FMN2: variants seen among roughly 807,000 people sequenced by gnomAD.
FMN2 encodes the protein formin-2.
FMN2 carries 51 observed loss-of-function variants against 142.3 expected under a neutral mutation model. The ratio of observed to expected loss-of-function variants is 0.36; its 90% CI spans 0.29 to 0.45. The LOEUF is 0.45. Among genes scored for constraint, FMN2 ranks in the 20% least tolerant of loss-of-function variants. The pLI is 1.00. For missense variants in FMN2, 1,936 were observed against 2,122.8 expected (o/e 0.91, Z 1.73); for synonymous variants, 882 against 869.8 (o/e 1.01, Z -0.25).
At chr1:240,171,354 A>G in intron 2 of FMN2, 1 of 607,832 alleles carries the variant, frequency 1.6e-6, no homozygotes, top group East Asian at 2.7e-5. Context: ...CCTAACAGGC[A>G]GAGAGAAGCG....
intron 1 of FMN2, among the ~76,000 whole-genome samples, chr1:240,110,708 C>A (rs1049820605): frequency 4.6e-5 from 7 of 151,902 alleles, no homozygotes; most frequent in African/African-American, 1.7e-4. Flanking sequence ...ATTAGTACAG[C>A]AATAATTGGA....
intron 2 of FMN2, among the ~76,000 whole-genome samples, chr1:240,137,031 C>T (rs2103244908): frequency 7.4e-6 from 1 of 134,528 alleles, no homozygotes; most frequent in East Asian, 2.2e-4. Flanking sequence ...GATCGCGCTA[C>T]TGCACTCCAG....
chr1:240,376,092 C>T (rs1673034044), intron 14 of FMN2, among the ~76,000 whole-genome samples: 1 of 151,886 alleles, frequency 6.6e-6, no homozygotes, highest in Non-Finnish European at 1.5e-5. Flanking sequence ...TTTCCTGGTA[C>T]TATATCTTGT....
chr1:240,283,882 G>A (rs77008076), intron 7 of FMN2, among the ~76,000 whole-genome samples: 84 of 152,230 alleles, frequency 5.5e-4, no homozygotes, highest in Non-Finnish European at 8.5e-4. Flanking sequence ...TTCCTTCCAG[G>A]TGACCATAGG....
chr1:240,295,648 T>G (rs1420185313), intron 8 of FMN2, among the ~76,000 whole-genome samples: 1 of 152,250 alleles, frequency 6.6e-6, no homozygotes, highest in Non-Finnish European at 1.5e-5. Context: ...GTACCACATT[T>G]TCTTTATCCA....
chr1:240,248,905 G>A (rs1668179989), intron 6 of FMN2, among the ~76,000 whole-genome samples: 1 of 151,814 alleles, frequency 6.6e-6, no homozygotes, highest in African/African-American at 2.4e-5. Context: ...TAAAAAGTGG[G>A]CAAAGGAGAT....
At chr1:240,201,133 A>G (rs554450624) in intron 4 of FMN2, among the ~76,000 whole-genome samples, 1 of 152,272 alleles carries the variant, frequency 6.6e-6, no homozygotes, top group African/African-American at 2.4e-5. Flanking sequence ...TAAAAAATAA[A>G]TAAAATACAT....
chr1:240,447,965 A>G (rs1217124189), intron 16 of FMN2, among the ~76,000 whole-genome samples: 1 of 152,230 alleles, frequency 6.6e-6, no homozygotes, highest in African/African-American at 2.4e-5. Flanking sequence ...AGAGTGGACC[A>G]CAGTTGAACA....
intron 4 of FMN2, among the ~76,000 whole-genome samples, chr1:240,204,289 CAG>C (rs1666241946): frequency 6.6e-6 from 1 of 152,102 alleles, no homozygotes; most frequent in Admixed American, 6.6e-5. Context: ...GAAGAAGTAA[CAG>C]AGGTTAGGAT....
chr1:240,326,426 G>A (rs1220317596), intron 8 of FMN2, among the ~76,000 whole-genome samples: 5 of 152,174 alleles, frequency 3.3e-5, no homozygotes, highest in African/African-American at 1.2e-4. Flanking sequence ...TAGAGTACTA[G>A]TAGAAAGTCA....
At chr1:240,259,687 AC>A (rs1668566256) in intron 7 of FMN2, among the ~76,000 whole-genome samples, 2 of 152,074 alleles carry the variant, frequency 1.3e-5, no homozygotes, top group Admixed American at 1.3e-4. Context: ...AGAAGCATAA[AC>A]ATCATTGATT....
At chr1:240,340,526 A>G (rs79968172) in intron 13 of FMN2, among the ~76,000 whole-genome samples, 12,228 of 152,180 alleles carry the variant, frequency 0.08, 565 homozygotes, top group East Asian at 0.15. Flanking sequence ...GTTTGCAGTG[A>G]GTGAAGATTG....
At chr1:240,253,398 T>A (rs1311347034) in intron 6 of FMN2, among the ~76,000 whole-genome samples, 1 of 152,212 alleles carries the variant, frequency 6.6e-6, no homozygotes, top group African/African-American at 2.4e-5. Flanking sequence ...AAATGTATTT[T>A]GTATTTTATT....
intron 13 of FMN2, among the ~76,000 whole-genome samples, chr1:240,334,772 C>CA (rs1392299413): frequency 6.6e-6 from 1 of 152,092 alleles, no homozygotes; most frequent in African/African-American, 2.4e-5. Context: ...GTAGCATTTA[C>CA]AAAAAAGCAA....
At chr1:240,270,277 C>T (rs1319470255) in intron 7 of FMN2, among the ~76,000 whole-genome samples, 3 of 152,044 alleles carry the variant, frequency 2.0e-5, no homozygotes, top group Non-Finnish European at 4.4e-5. Context: ...GAGAACTCTT[C>T]CATACTGTTG....
intron 2 of FMN2, chr1:240,144,340 A>T: frequency 1.2e-6 from 2 of 1,606,378 alleles, no homozygotes; most frequent in Non-Finnish European, 1.7e-6. Context: ...TGTAGATGTC[A>T]TCAGGCACCT....
chr1:240,260,786 C>T (rs542467871), intron 7 of FMN2, among the ~76,000 whole-genome samples: 5 of 152,152 alleles, frequency 3.3e-5, no homozygotes, highest in South Asian at 2.1e-4. Context: ...TCTTTGTTTT[C>T]GTAGCATTTG....
At chr1:240,332,273 A>T (rs78654277) in intron 11 of FMN2, among the ~76,000 whole-genome samples, 2 of 151,766 alleles carry the variant, frequency 1.3e-5, no homozygotes, top group Admixed American at 1.3e-4. Flanking sequence ...TAAAAAAAAA[A>T]TGCTGAAGCC....
At chr1:240,279,383 G>A (rs766803460) in intron 7 of FMN2, among the ~76,000 whole-genome samples, 49 of 152,142 alleles carry the variant, frequency 3.2e-4, no homozygotes, top group Non-Finnish European at 6.6e-4. Context: ...GATACTTAAA[G>A]CAATGAAGGA....
Sources: allele counts gnomAD v4.1 joint callset (sites outside exome capture counted in the v4.1 genomes callset), GRCh38; gene constraint gnomAD v4.1.1; transcripts MANE v1.5; gene names NCBI Gene and HGNC (gene_info 2026-07-23, HGNC 2026-07-21).